The following PDE10A variants were observed in gnomAD, a reference collection of about 807,000 sequenced individuals.
PDE10A encodes cAMP and cAMP-inhibited cGMP 3',5'-cyclic phosphodiesterase 10A.
In PDE10A, 39 loss-of-function variants were observed where a neutral mutation model predicts 97.7. The observed-to-expected ratio is 0.40, with a 90% CI of 0.31 to 0.52. The LOEUF (loss-of-function observed/expected upper bound fraction) is 0.52, where lower values mean the gene tolerates loss of function less well. Ranked by LOEUF, PDE10A falls within the 20% of genes least tolerant of loss-of-function variation. The probability of loss-of-function intolerance (pLI) is 0.56; values close to 1 mark genes in which losing one functional copy is unlikely to be tolerated. For missense variants in PDE10A, 731 were observed against 1,047.8 expected (o/e 0.70, Z 4.17); for synonymous variants, 371 against 376.8 (o/e 0.98, Z 0.18).
intron 1 of PDE10A, among the ~76,000 whole-genome samples, chr6:165,592,376 A>G (rs1786328762): frequency 6.6e-6 from 1 of 152,250 alleles, no homozygotes; most frequent in South Asian, 2.1e-4. Context: ...AATACCATTC[A>G]GGACATAGGC....
At chr6:165,811,854 T>C (rs1779292222) in intron 1 of PDE10A, among the ~76,000 whole-genome samples, 1 of 146,470 alleles carries the variant, frequency 6.8e-6, no homozygotes, top group African/African-American at 2.4e-5. Context: ...CTTTTATTTT[T>C]TATTTTTTTA....
Position 165,934,632 on chromosome 6 carries a change from G to A in PDE10A, c.-615+52897C>T, listed in dbSNP as rs541774573. Among the ~76,000 whole-genome samples the A allele has an allele frequency of 1.2e-4, 18 of 152,260 alleles. No homozygotes were observed. In the South Asian group the frequency reaches 1.2e-3, roughly 11 times the overall value. Reference sequence around the variant, plus strand: ...CACTGAAATGAAGACTTAACTGAAAGCAAAGAAAGCATACTCTACCCAGTA... The same window carrying A: ...CACTGAAATGAAGACTTAACTGAAAACAAAGAAAGCATACTCTACCCAGTA... On this transcript the variant is annotated intron_variant, in intron 1 of 19. Coordinates refer to the PDE10A transcript ENST00000366882.
intron 18 of PDE10A, among the ~76,000 whole-genome samples, chr6:165,373,057 A>G (rs1240815960): frequency 1.3e-5 from 2 of 149,104 alleles, no homozygotes; most frequent in Non-Finnish European, 3.0e-5. Context: ...TCCCTTCCTT[A>G]CACCTTATAT....
At chr6:165,575,516 A>T (rs74333387) in intron 1 of PDE10A, among the ~76,000 whole-genome samples, 2,143 of 151,934 alleles carry the variant, frequency 0.014, 47 homozygotes, top group African/African-American at 0.049. Flanking sequence ...TTCCTTGCTC[A>T]CTCAGTTATT....
chr6:165,884,615 T>G lies in PDE10A; in HGVS notation c.-615+102914A>C, dbSNP rs548359932. ...TCAATCAACTTATATCACATGGGTT[T>G]GTTTGACTCAAACATAGAAACTTAA... On this transcript the variant is annotated intron_variant, in intron 1 of 19. Coordinates refer to the PDE10A transcript ENST00000366882. Among the ~76,000 whole-genome samples the G allele has an allele frequency of 4.6e-5, 7 of 152,374 alleles. No homozygotes were observed. The South Asian group carries it at 1.4e-3, about 32-fold the overall frequency.
chr6:165,727,431 G>A (rs1792327571), intron 1 of PDE10A, among the ~76,000 whole-genome samples: 1 of 152,166 alleles, frequency 6.6e-6, no homozygotes, highest in African/African-American at 2.4e-5. Flanking sequence ...AGGAGCCTGG[G>A]GCTTTTCAAA....
chr6:165,849,524 G>C (rs956802682), intron 1 of PDE10A, among the ~76,000 whole-genome samples: 1 of 152,234 alleles, frequency 6.6e-6, no homozygotes, highest in Non-Finnish European at 1.5e-5. Context: ...CCTGACATAT[G>C]TGGGTCTCCT....
At chr6:165,424,954 T>C (rs1186352235) in intron 10 of PDE10A, among the ~76,000 whole-genome samples, 2 of 152,134 alleles carry the variant, frequency 1.3e-5, no homozygotes, top group African/African-American at 2.4e-5. Context: ...ACAACAAATA[T>C]ACATAGCAAT....
At chr6:165,911,284 A>T (rs939541080) in intron 1 of PDE10A, among the ~76,000 whole-genome samples, 4 of 152,222 alleles carry the variant, frequency 2.6e-5, no homozygotes, top group Admixed American at 2.0e-4. Flanking sequence ...ATTAAAAACG[A>T]TTTATTGCAT....
At chr6:165,464,121 T>G (rs572102093) in intron 3 of PDE10A, among the ~76,000 whole-genome samples, 41 of 152,322 alleles carry the variant, frequency 2.7e-4, no homozygotes, top group African/African-American at 7.9e-4. Flanking sequence ...TTTGTGTGTG[T>G]CTTTAATTCC....
intron 1 of PDE10A, among the ~76,000 whole-genome samples, chr6:165,755,950 T>C (rs1056395331): frequency 6.6e-6 from 1 of 152,180 alleles, no homozygotes; most frequent in African/African-American, 2.4e-5. Context: ...GATTTTCCAA[T>C]GCATGAACTC....
At chr6:165,742,608 T>C (rs1161917656) in intron 1 of PDE10A, among the ~76,000 whole-genome samples, 6 of 151,970 alleles carry the variant, frequency 3.9e-5, no homozygotes, top group African/African-American at 1.5e-4. Flanking sequence ...TCATGAGAAA[T>C]GGAATCGAGT....
Position 165,735,110 on chromosome 6 carries a change from TGGTA to T in PDE10A, c.-614-191546_-614-191543del, listed in dbSNP as rs763073694. Among the ~76,000 whole-genome samples, 97 of 147,614 alleles carry T rather than the reference TGGTA, an allele frequency of 6.6e-4. 2 individuals carry two copies. In the Middle Eastern group the frequency reaches 0.016, roughly 24 times the overall value. Reference sequence around the variant, plus strand: ...TAGGTAGGTAGATAGGTAGGCAGGTTGGTAGGTAGGTAGGTAGGTTGGTAGATAA... The same window carrying T: ...TAGGTAGGTAGATAGGTAGGCAGGTTGGTAGGTAGGTAGGTTGGTAGATAA... On this transcript the variant is annotated intron_variant, in intron 1 of 19. Transcript: ENST00000366882.
At chr6:165,707,573 G>T (rs4072785) in intron 1 of PDE10A, among the ~76,000 whole-genome samples, 1,670 of 152,238 alleles carry the variant, frequency 0.011, 37 homozygotes, top group African/African-American at 0.038. Context: ...AACTGGACAT[G>T]CTTGCACTGT....
chr6:165,928,420 G>A (rs1347829724), intron 1 of PDE10A, among the ~76,000 whole-genome samples: 1 of 152,184 alleles, frequency 6.6e-6, no homozygotes. Flanking sequence ...CCCACTCCAG[G>A]ATCCAGGGAG....
At chr6:165,860,039 G>T (rs1181764268) in intron 1 of PDE10A, among the ~76,000 whole-genome samples, 1 of 152,140 alleles carries the variant, frequency 6.6e-6, no homozygotes, top group Non-Finnish European at 1.5e-5. Context: ...GGACTCAGGG[G>T]GAAAGGGTGG....
chr6:165,870,381 A>G (rs549329160), intron 1 of PDE10A, among the ~76,000 whole-genome samples: 9 of 152,332 alleles, frequency 5.9e-5, no homozygotes, highest in Admixed American at 3.9e-4. Flanking sequence ...GTGGAAAAGC[A>G]AATCAAAATC....
chr6:165,421,678 A>C (rs1339293548), intron 10 of PDE10A, among the ~76,000 whole-genome samples: 2 of 152,218 alleles, frequency 1.3e-5, no homozygotes, highest in African/African-American at 4.8e-5. Context: ...TGTGAGGTAT[A>C]CATATTTGAA....
At chr6:165,791,622 T>C (rs1460570981) in intron 1 of PDE10A, among the ~76,000 whole-genome samples, 1 of 152,134 alleles carries the variant, frequency 6.6e-6, no homozygotes, top group African/African-American at 2.4e-5. Flanking sequence ...GCCCCCTGGC[T>C]TAGGAGACAC....
Sources: gnomAD v4.1 joint callset for allele counts (sites outside exome capture counted in the v4.1 genomes callset) on GRCh38, gnomAD v4.1.1 for gene constraint, MANE v1.5 for transcripts, NCBI Gene and HGNC (gene_info 2026-07-23, HGNC 2026-07-21) for gene names.